The following CYP2E1 variants were observed in gnomAD, a reference collection of about 807,000 sequenced individuals.
The protein encoded by CYP2E1 is cytochrome P450 family 2 subfamily E member 1, also known as cytochrome P450 2E1.
Under a neutral mutation model 42.9 loss-of-function variants are expected in CYP2E1, and 31 were observed. The observed-to-expected ratio is 0.72, with a 90% CI of 0.54 to 0.98. The LOEUF (loss-of-function observed/expected upper bound fraction) is 0.98. Ranked by LOEUF, CYP2E1 falls within the 50% of genes least tolerant of loss-of-function variation. CYP2E1 has a pLI of 0.00. For synonymous variants in CYP2E1, 244 were observed against 248.9 expected, an observed-to-expected ratio of 0.98 and a Z score of 0.19; for missense variants, 565 against 633.2, an observed-to-expected ratio of 0.89 and a Z score of 1.16.
intron 4 of CYP2E1, 62 bp from the exon 5 acceptor site, chr10:133,532,630 C>T: frequency 7.1e-7 from 1 of 1,403,790 alleles, no homozygotes; most frequent in Non-Finnish European, 9.7e-7. Flanking sequence ...AGTTGTTGGT[C>T]CAACACACAC....
chr10:133,533,702 T>A (rs1851365142), intron 5 of CYP2E1, 54 bp from the exon 6 acceptor site: 1 of 1,599,824 alleles, frequency 6.3e-7, no homozygotes. Flanking sequence ...GCTGGTTCTG[T>A]GCTGAAAGGA....
chr10:133,532,729 C>T lies in CYP2E1; in HGVS notation c.686C>T (p.Pro229Leu). Residue 229 changes from proline to leucine, a missense_variant, in exon 5 of 9, where the codon CCT becomes CTT. Transcript: ENST00000252945. ...NNFPSFLHYLPGSHRKVIKNV... is the reference protein window; with the variant it reads ...NNFPSFLHYLLGSHRKVIKNV... ...TTTCCCAGCTTTCTACACTACTTGC[C>T]TGGAAGCCACAGAAAAGTCATAAAA... The T allele has an allele frequency of 6.2e-7, 1 of 1,610,892 alleles. No homozygotes were observed.
chr10:133,535,475 C>T (rs2133598515), intron 6 of CYP2E1, among the ~76,000 whole-genome samples: 1 of 152,240 alleles, frequency 6.6e-6, no homozygotes, highest in Admixed American at 6.5e-5. Flanking sequence ...CTGGCCTTTG[C>T]TTTTTCAATC....
chr10:133,532,001 TC>T, intron 3 of CYP2E1, 122 bp from the exon 4 acceptor site: 4 of 938,142 alleles, frequency 4.3e-6, no homozygotes, highest in Non-Finnish European at 6.5e-6. Flanking sequence ...TCACTATCTT[TC>T]GTAAACTGGC....
At position 133,527,577 on chromosome 10, in the gene CYP2E1, G is replaced by C. The variant is rs771631693; in HGVS notation, c.177+5G>C. On this transcript the variant is annotated splice_donor_5th_base_variant and intron_variant, in intron 1 of 8. Transcript: ENST00000252945. ...ATTCCCAAGTCCTTCACCCGGGTAA[G>C]AGAAATAGTGTTGATTTTAGGGAGA... 6.2e-7 allele frequency: 1 copy of C among 1,603,126 alleles called. No homozygotes were observed. Among genetic ancestry groups the C allele is most frequent in the Non-Finnish European group, 8.5e-7 (1 of 1,171,746 alleles).
Position 133,531,657 on chromosome 10 carries a change from G to A in CYP2E1, c.410G>A (p.Gly137Glu), listed in dbSNP as rs1851338184. The A allele has an allele frequency of 6.2e-7, 1 of 1,613,754 alleles. No homozygotes were observed. Among genetic ancestry groups the A allele is most frequent in the Admixed American group, 1.7e-5 (1 of 59,996 alleles). ...RFSLTTLRNY[G>E]MGKQGNESRI... ...TCCCTGACCACCCTCCGGAACTATG[G>A]GATGGGGAAACAGGGCAATGAGAGC... Residue 137 changes from glycine (G) to glutamate (E), a missense_variant, in exon 3 of 9, where the codon GGG (glycine) becomes GAG (glutamate). Gly to Glu is a moderately conservative substitution (Grantham distance 98). Coordinates refer to ENST00000252945, the MANE Select transcript of CYP2E1 (RefSeq NM_000773.4).
chr10:133,537,303 C>T lies in CYP2E1; in HGVS notation c.1155+53C>T, dbSNP rs139603080. 3.1e-4 allele frequency: 482 copies of T among 1,567,780 alleles called. No individual in the cohort carries two copies. In the African/African-American group the frequency reaches 6.1e-3, roughly 20 times the overall value. ...CATGAACACCATCCTATCAGCTAAT[C>T]GCCTTCCTGCCAGGGAGCAGGATGG... is the stretch of plus-strand genomic sequence containing the variant. On this transcript the variant is annotated intron_variant, in intron 7 of 8. Transcript: ENST00000252945.
chr10:133,527,444 C>T lies in CYP2E1; in HGVS notation c.49C>T (p.Leu17Phe), dbSNP rs367957731. 2.0e-5 allele frequency: 33 copies of T among 1,613,578 alleles called. No homozygotes were observed. In the African/African-American group the frequency reaches 3.1e-4, roughly 15 times the overall value. ...GGCCCTGCTGGTGTGGGCGGCCTTC[C>T]TCCTGCTGGTGTCCATGTGGAGGCA... ...TVALLVWAAF[L>F]LLVSMWRQVH... is the part of the protein sequence containing the mutation. The change falls in exon 1 of 9, where the codon CTC (leucine) becomes TTC (phenylalanine). Residue 17 changes from leucine (L) to phenylalanine (F), a missense_variant. Leu to Phe is a conservative substitution (Grantham distance 22). Coordinates refer to ENST00000252945, the MANE Select transcript of CYP2E1 (RefSeq NM_000773.4).
At chr10:133,536,956 G>C in intron 6 of CYP2E1, 107 bp from the exon 7 acceptor site, 1 of 871,472 alleles carries the variant, frequency 1.1e-6, no homozygotes. Context: ...GGATGTGTAG[G>C]TGGGCAGATG....
chr10:133,538,883 G>A lies in CYP2E1; in HGVS notation c.1401G>A (p.Lys467=). 1 of 1,613,984 alleles carries A rather than the reference G, an allele frequency of 6.2e-7. No homozygotes were observed. The highest frequency in any genetic ancestry group is 8.5e-7 in the Non-Finnish European group (1 of 1,179,958). ...ATTTGAAGCCTCTCGTTGACCCAAA[G>A]GATATCGACCTCAGCCCTATACATA... is the stretch of plus-strand genomic sequence containing the variant. ...HFNLKPLVDP[K]DIDLSPIHIG... Residue 467 remains lysine (K), a synonymous_variant, in exon 9 of 9, where the codon AAG becomes AAA. Coordinates refer to ENST00000252945, the MANE Select transcript of CYP2E1 (RefSeq NM_000773.4).
At chr10:133,537,914 A>G in intron 8 of CYP2E1, 22 bp downstream of exon 8, 1 of 1,609,396 alleles carries the variant, frequency 6.2e-7, no homozygotes. Context: ...CAGAGGCAGT[A>G]CCTTCCCTTG....
Position 133,531,580 on chromosome 10 carries a change from CT to C in CYP2E1, c.338-3del. ...AATAACCTTCTGCTGGCCCCTCTGC[CT>C]TAGGAATCATTTTTAATAATGGACC... is the stretch of plus-strand genomic sequence containing the variant. On this transcript the variant is annotated splice_polypyrimidine_tract_variant and splice_region_variant and intron_variant, in intron 2 of 8. Transcript: ENST00000252945. 6.2e-7 allele frequency: 1 copy of C among 1,614,036 alleles called. No homozygotes were observed. The highest frequency in any genetic ancestry group is 1.1e-5 in the South Asian group (1 of 91,074).
intron 8 of CYP2E1, among the ~76,000 whole-genome samples, chr10:133,538,305 C>T (rs1224247149): frequency 6.6e-6 from 1 of 152,170 alleles, no homozygotes; most frequent in East Asian, 1.9e-4. Flanking sequence ...TCAAAGCCTT[C>T]CTGGGATGTG....
intron 2 of CYP2E1, among the ~76,000 whole-genome samples, chr10:133,529,854 C>T (rs1310624062): frequency 6.6e-6 from 1 of 152,192 alleles, no homozygotes; most frequent in African/African-American, 2.4e-5. Context: ...CCTTCTTCTG[C>T]ATTGTGGGTT....
chr10:133,533,726 T>C (rs770927635), intron 5 of CYP2E1, 30 bp from the exon 6 acceptor site: 12 of 1,610,860 alleles, frequency 7.4e-6, no homozygotes, highest in Non-Finnish European at 9.3e-6. Context: ...AAGCAGCCCC[T>C]TCTCCTCCGG....
intron 1 of CYP2E1, 40 bp from the exon 2 acceptor site, chr10:133,528,441 C>T (rs760642811): frequency 8.7e-6 from 14 of 1,606,522 alleles, no homozygotes; most frequent in Admixed American, 5.0e-5. Flanking sequence ...CACCTCCTCG[C>T]CGCGCGGCGG....
rs1564848820 is a variant in CYP2E1 at position 133,533,885 on chromosome 10, C to G, written c.955C>G (p.Pro319Ala). 1 of 1,614,058 alleles carries G rather than the reference C, an allele frequency of 6.2e-7. No homozygotes were observed. The highest frequency in any genetic ancestry group is 8.5e-7 in the Non-Finnish European group (1 of 1,179,976). Residue 319 changes from proline to alanine, a missense_variant, in exon 6 of 9, where the codon CCT (proline) becomes GCT (alanine). Coordinates refer to ENST00000252945, the MANE Select transcript of CYP2E1 (RefSeq NM_000773.4). Reference protein sequence around the residue: ...RYGLLILMKYPEIEEKLHEEI... With the variant: ...RYGLLILMKYAEIEEKLHEEI... ...TGGGCTCCTGATTCTCATGAAATAC[C>G]CTGAGATCGAAGGTAGGCAAGTGAC...
At chr10:133,534,304 G>A (rs556816670) in intron 6 of CYP2E1, among the ~76,000 whole-genome samples, 6 of 152,254 alleles carry the variant, frequency 3.9e-5, no homozygotes, top group Non-Finnish European at 7.4e-5. Context: ...TTGCTGGGGC[G>A]TCTTCCTCAA....
chr10:133,530,506 G>A (rs1458386151), intron 2 of CYP2E1, among the ~76,000 whole-genome samples: 3 of 151,778 alleles, frequency 2.0e-5, no homozygotes, highest in South Asian at 2.1e-4. Flanking sequence ...GTGCCCTCCC[G>A]CCCCTCTCAG....
Sources: allele counts gnomAD v4.1 joint callset (sites outside exome capture counted in the v4.1 genomes callset), GRCh38; gene constraint gnomAD v4.1.1; transcripts MANE v1.5; gene names NCBI Gene and HGNC (gene_info 2026-07-23, HGNC 2026-07-21).